Variants in MARCHF1 observed in about 807,000 individuals in gnomAD.
The protein encoded by MARCHF1 is membrane associated ring-CH-type finger 1.
Under a neutral mutation model 54.2 loss-of-function variants are expected in MARCHF1, and 40 were observed. The observed-to-expected ratio is 0.74, with a 90% CI of 0.57 to 0.96. The LOEUF (loss-of-function observed/expected upper bound fraction) is 0.96. Among genes scored for constraint, MARCHF1 ranks in the 40% least tolerant of loss-of-function variants. The probability of loss-of-function intolerance (pLI) is 0.00; values close to 1 mark genes in which losing one functional copy is unlikely to be tolerated. For missense variants in MARCHF1, 586 were observed against 656.5 expected (o/e 0.89, Z 1.17); for synonymous variants, 236 against 236.3 (o/e 1.00, Z 0.01).
At chr4:163,564,546 T>C (rs999994138) in intron 8 of MARCHF1, among the ~76,000 whole-genome samples, 7 of 152,194 alleles carry the variant, frequency 4.6e-5, no homozygotes, top group Admixed American at 3.3e-4. Flanking sequence ...TGGCTACCTT[T>C]TATGTAATCA....
intron 4 of MARCHF1, among the ~76,000 whole-genome samples, chr4:163,849,390 T>A (rs963117732): frequency 3.3e-5 from 5 of 152,140 alleles, no homozygotes; most frequent in African/African-American, 9.7e-5. Flanking sequence ...TTTAGATGGG[T>A]ATAATTTGTA....
intron 3 of MARCHF1, among the ~76,000 whole-genome samples, chr4:163,955,516 C>A (rs768156923): frequency 6.6e-6 from 1 of 152,096 alleles, no homozygotes; most frequent in East Asian, 1.9e-4. Flanking sequence ...TCCACAGGCC[C>A]GTCCTGTCTG....
At chr4:164,359,927 C>A (rs1295245791) in intron 1 of MARCHF1, among the ~76,000 whole-genome samples, 1 of 152,080 alleles carries the variant, frequency 6.6e-6, no homozygotes, top group Non-Finnish European at 1.5e-5. Context: ...ACACAAAAAT[C>A]TGAGAACCAC....
At chr4:164,234,131 G>A (rs1732485377) in intron 1 of MARCHF1, among the ~76,000 whole-genome samples, 1 of 152,084 alleles carries the variant, frequency 6.6e-6, no homozygotes, top group Non-Finnish European at 1.5e-5. Context: ...AGTCACAATG[G>A]AATTGCTACC....
At chr4:163,532,267 C>A (rs1276379263) in intron 9 of MARCHF1, among the ~76,000 whole-genome samples, 1 of 151,780 alleles carries the variant, frequency 6.6e-6, no homozygotes, top group East Asian at 1.9e-4. Flanking sequence ...CAGAATAGCC[C>A]AGAAATAGAC....
chr4:164,372,031 C>G (rs1051110665), intron 1 of MARCHF1, among the ~76,000 whole-genome samples: 1 of 152,116 alleles, frequency 6.6e-6, no homozygotes, highest in African/African-American at 2.4e-5. Flanking sequence ...CCAGTGATGG[C>G]GCCACGGCAT....
chr4:164,290,179 G>GT (rs1251577111), intron 1 of MARCHF1, among the ~76,000 whole-genome samples: 3 of 151,862 alleles, frequency 2.0e-5, no homozygotes, highest in African/African-American at 7.2e-5. Flanking sequence ...GTCAGAGGCT[G>GT]TATCTTATTC....
intron 1 of MARCHF1, among the ~76,000 whole-genome samples, chr4:164,212,127 A>G (rs1311029562): frequency 6.6e-6 from 1 of 152,082 alleles, no homozygotes; most frequent in East Asian, 1.9e-4. Context: ...AAGAAGGAAG[A>G]GGAGGAGAAA....
chr4:164,343,055 C>G (rs181248885), intron 1 of MARCHF1, among the ~76,000 whole-genome samples: 9 of 152,162 alleles, frequency 5.9e-5, no homozygotes, highest in African/African-American at 1.9e-4. Context: ...TCCTGGAGAT[C>G]TAACGTACAG....
intron 4 of MARCHF1, among the ~76,000 whole-genome samples, chr4:163,703,173 A>C (rs1561028233): frequency 6.6e-6 from 1 of 152,180 alleles, no homozygotes; most frequent in Non-Finnish European, 1.5e-5. Flanking sequence ...AGGTATAAGA[A>C]ACACTGAAAG....
At chr4:164,252,367 A>C (rs181269228) in intron 1 of MARCHF1, among the ~76,000 whole-genome samples, 65 of 152,270 alleles carry the variant, frequency 4.3e-4, no homozygotes, top group Non-Finnish European at 2.9e-5. Context: ...AGCAAAAAGC[A>C]GAAAGAAAGA....
chr4:164,196,332 TTAAA>T (rs1731257102), intron 1 of MARCHF1, among the ~76,000 whole-genome samples: 1 of 152,186 alleles, frequency 6.6e-6, no homozygotes, highest in Non-Finnish European at 1.5e-5. Context: ...TTTGCATGAT[TTAAA>T]TAATTTGCAA....
chr4:164,322,124 G>A lies in MARCHF1; in HGVS notation c.-323+61746C>T, dbSNP rs111603272. Among the ~76,000 whole-genome samples the A allele has an allele frequency of 3.6e-3, 555 of 152,058 alleles. 5 individuals are homozygous for A. The highest frequency in any genetic ancestry group is 0.013 in the African/African-American group (533 of 41,514). ...GAGGAGAAACATTTAAGGAAGAACAGTTTCTTTTAGAGAAAATGGTTATCT... is the reference window on the plus strand; with the variant it reads ...GAGGAGAAACATTTAAGGAAGAACAATTTCTTTTAGAGAAAATGGTTATCT... On this transcript the variant is annotated intron_variant, in intron 1 of 9. Transcript: ENST00000514618.
At chr4:164,287,553 T>C (rs536324409) in intron 1 of MARCHF1, among the ~76,000 whole-genome samples, 1 of 152,294 alleles carries the variant, frequency 6.6e-6, no homozygotes, top group South Asian at 2.1e-4. Flanking sequence ...CTCTTCCTAA[T>C]TACTTTGTGT....
intron 4 of MARCHF1, among the ~76,000 whole-genome samples, chr4:163,835,124 C>T (rs1057487556): frequency 6.6e-6 from 1 of 152,118 alleles, no homozygotes; most frequent in African/African-American, 2.4e-5. Flanking sequence ...CTTAAGTGAT[C>T]CTTCCACTCA....
intron 1 of MARCHF1, among the ~76,000 whole-genome samples, chr4:164,253,417 C>T (rs1055374570): frequency 5.9e-5 from 9 of 151,990 alleles, no homozygotes; most frequent in African/African-American, 2.2e-4. Flanking sequence ...AAAGTAAGCT[C>T]AATGAATTAA....
intron 3 of MARCHF1, among the ~76,000 whole-genome samples, chr4:163,926,974 A>T (rs560418839): frequency 2.4e-4 from 37 of 151,814 alleles, no homozygotes; most frequent in African/African-American, 8.2e-4. Context: ...ACTAGTTTTT[A>T]TTATTTTGTG....
At chr4:163,585,013 G>C (rs891143477) in intron 8 of MARCHF1, 1 of 152,138 alleles carries the variant, frequency 6.6e-6, no homozygotes, top group South Asian at 2.1e-4. Context: ...TAAGTTCATT[G>C]TCCTTGTTTG....
At position 163,612,901 on chromosome 4, in the gene MARCHF1, C is replaced by G. The variant is rs1393970375; in HGVS notation, c.380G>C (p.Arg127Thr). 1.3e-6 allele frequency: 2 copies of G among 1,535,362 alleles called. No individual in the cohort carries two copies. Among genetic ancestry groups the G allele is most frequent in the Admixed American group, 2.0e-5 (1 of 50,938 alleles). The change falls in exon 7 of 10, where the codon AGA becomes ACA. Residue 127 changes from arginine (R) to threonine (T), a missense_variant. Coordinates refer to ENST00000514618, the MANE Select transcript of MARCHF1 (RefSeq NM_001394959.1). ...TTGTTCTTCTGCAGCATGCTCATAT[C>G]TCTCAGAGGCTTTTCTCCTCCTCCT... is the stretch of plus-strand genomic sequence containing the variant. ...RPRRRRKASE[R>T]YEHAAEEQIR...
Sources: gnomAD v4.1 joint callset for allele counts (sites outside exome capture counted in the v4.1 genomes callset) on GRCh38, gnomAD v4.1.1 for gene constraint, MANE v1.5 for transcripts, NCBI Gene and HGNC (gene_info 2026-07-23, HGNC 2026-07-21) for gene names.